The following DCC variants were observed in gnomAD, a reference collection of about 807,000 sequenced individuals.
DCC encodes netrin receptor DCC.
In DCC, 58 loss-of-function variants were observed where a neutral mutation model predicts 172.5. The observed-to-expected ratio is 0.34, with a 90% CI of 0.27 to 0.42. DCC has a LOEUF of 0.42. Among genes scored for constraint, DCC ranks in the 10% least tolerant of loss-of-function variants. DCC has a pLI of 1.00. For synonymous variants in DCC, 709 were observed against 644.5 expected, an observed-to-expected ratio of 1.10 and a Z score of -1.52; for missense variants, 1,740 against 1,791.0, an observed-to-expected ratio of 0.97 and a Z score of 0.51.
intron 12 of DCC, among the ~76,000 whole-genome samples, chr18:53,256,020 A>C (rs1380499872): frequency 6.6e-6 from 1 of 152,172 alleles, no homozygotes; most frequent in African/African-American, 2.4e-5. Context: ...TCTTTTGAGA[A>C]GTGTCTGTTC....
intron 12 of DCC, among the ~76,000 whole-genome samples, chr18:53,272,503 A>G (rs746748549): frequency 6.6e-6 from 1 of 152,120 alleles, no homozygotes; most frequent in East Asian, 1.9e-4. Flanking sequence ...TCTGCTAGCT[A>G]TCATTACAAA....
chr18:53,142,072 G>T (rs907303839), intron 7 of DCC, among the ~76,000 whole-genome samples: 4 of 152,182 alleles, frequency 2.6e-5, no homozygotes, highest in Admixed American at 6.5e-5. Context: ...TTCCCACCCT[G>T]CCACCTTTAA....
At chr18:53,382,036 G>A (rs985439738) in intron 15 of DCC, among the ~76,000 whole-genome samples, 6 of 146,514 alleles carry the variant, frequency 4.1e-5, no homozygotes, top group Non-Finnish European at 6.0e-5. Flanking sequence ...AAATCTAGCC[G>A]TTTTTCTTTT....
intron 1 of DCC, among the ~76,000 whole-genome samples, chr18:52,466,277 C>G (rs982402228): frequency 2.6e-5 from 4 of 152,100 alleles, no homozygotes; most frequent in African/African-American, 9.7e-5. Flanking sequence ...AAAATATGTC[C>G]ATGGTGGGTC....
chr18:52,808,373 TCTGA>T (rs1433454097), intron 2 of DCC, among the ~76,000 whole-genome samples: 6 of 150,450 alleles, frequency 4.0e-5, no homozygotes, highest in Non-Finnish European at 5.9e-5. Context: ...AGCCTGTAAT[TCTGA>T]CTAAGTGACT....
At chr18:53,359,348 T>A (rs1467622736) in intron 15 of DCC, among the ~76,000 whole-genome samples, 1 of 152,172 alleles carries the variant, frequency 6.6e-6, no homozygotes, top group Non-Finnish European at 1.5e-5. Context: ...ATTAAGCTAG[T>A]TAGACTTACC....
chr18:52,446,328 T>C (rs1469938528), intron 1 of DCC, among the ~76,000 whole-genome samples: 3 of 152,188 alleles, frequency 2.0e-5, no homozygotes, highest in Non-Finnish European at 4.4e-5. Flanking sequence ...TTTAGGATGT[T>C]TGAAATTCTG....
intron 8 of DCC, among the ~76,000 whole-genome samples, chr18:53,170,492 G>A (rs967595491): frequency 1.3e-5 from 2 of 152,312 alleles, no homozygotes; most frequent in Admixed American, 6.5e-5. Context: ...TTTTTTCTAT[G>A]TGATTATATC....
At position 53,240,051 on chromosome 18, in the gene DCC, CA is replaced by C. The variant is rs1247730660; in HGVS notation, c.1911+24456del. On this transcript the variant is annotated intron_variant, in intron 12 of 28. Transcript: ENST00000442544. ...TAAAAAAAAAAAAAAAAAAAAAAAA[CA>C]ACAAAACACTTTTTCCCCAATGTGT... Among the ~76,000 whole-genome samples, 4 of 108,908 alleles carry C rather than the reference CA, an allele frequency of 3.7e-5. No individual in the cohort carries two copies. The South Asian group carries it at 7.3e-4, about 20-fold the overall frequency. The allele number at this position is 108,908 out of a possible 152,430, so 71.4% of individuals were successfully genotyped here.
At position 53,486,894 on chromosome 18, in the gene DCC, T is replaced by C. The variant is rs1432799683; in HGVS notation, c.3834T>C (p.Thr1278=). ...GTGGATATCCCCACCCGCAGTTCACTCTCCGGCCTGTGCCATTCCCAACAC... is the reference window on the plus strand; with the variant it reads ...GTGGATATCCCCACCCGCAGTTCACCCTCCGGCCTGTGCCATTCCCAACAC... The part of the protein sequence containing the change: ...PTCGYPHPQF[T]LRPVPFPTLS... Residue 1278 remains threonine (T), a synonymous_variant, in exon 26 of 29, where the codon ACT becomes ACC. Coordinates refer to ENST00000442544, the MANE Select transcript of DCC (RefSeq NM_005215.4). 3.7e-6 allele frequency: 6 copies of C among 1,614,174 alleles called. No homozygotes were observed. Among genetic ancestry groups the C allele is most frequent in the Non-Finnish European group, 5.1e-6 (6 of 1,180,038 alleles).
intron 16 of DCC, among the ~76,000 whole-genome samples, chr18:53,391,420 G>A (rs13381929): frequency 0.42 from 64,445 of 151,964 alleles, 15,456 homozygotes; most frequent in Non-Finnish European, 0.55. Flanking sequence ...ACCACTCTAA[G>A]AGAATGAGTA....
At chr18:53,251,730 T>C (rs1332112080) in intron 12 of DCC, among the ~76,000 whole-genome samples, 1 of 151,894 alleles carries the variant, frequency 6.6e-6, no homozygotes, top group Non-Finnish European at 1.5e-5. Context: ...TGGCCAATAA[T>C]AAGAAGAATA....
chr18:52,599,805 C>T (rs539199325), intron 1 of DCC, among the ~76,000 whole-genome samples: 9 of 152,168 alleles, frequency 5.9e-5, no homozygotes, highest in South Asian at 2.1e-4. Flanking sequence ...TGAGCCACCG[C>T]GCCCGGCCTG....
At chr18:53,393,295 A>G (rs775574454) in intron 17 of DCC, among the ~76,000 whole-genome samples, 2 of 152,194 alleles carry the variant, frequency 1.3e-5, no homozygotes, top group Non-Finnish European at 2.9e-5. Context: ...ACATTTCATC[A>G]TAAATCAGAT....
intron 1 of DCC, among the ~76,000 whole-genome samples, chr18:52,699,903 C>A (rs539576909): frequency 6.6e-6 from 1 of 152,088 alleles, no homozygotes; most frequent in Non-Finnish European, 1.5e-5. Context: ...GTACAATGGT[C>A]TTTAGTATAT....
chr18:52,671,814 G>T (rs556156823), intron 1 of DCC, among the ~76,000 whole-genome samples: 2 of 152,088 alleles, frequency 1.3e-5, no homozygotes, highest in South Asian at 2.1e-4. Flanking sequence ...AGGATTACAG[G>T]CATGAGTCAC....
intron 1 of DCC, among the ~76,000 whole-genome samples, chr18:52,395,952 T>C (rs1986209474): frequency 6.6e-6 from 1 of 151,964 alleles, no homozygotes; most frequent in South Asian, 2.1e-4. Flanking sequence ...CAGATTCACA[T>C]AAGTCAGGAT....
intron 1 of DCC, among the ~76,000 whole-genome samples, chr18:52,724,011 G>A (rs1185951048): frequency 6.6e-6 from 1 of 152,164 alleles, no homozygotes; most frequent in Non-Finnish European, 1.5e-5. Flanking sequence ...AGGTACAGAT[G>A]AGTATCCTGA....
chr18:53,180,575 C>T (rs978500616), intron 9 of DCC, among the ~76,000 whole-genome samples: 2 of 152,210 alleles, frequency 1.3e-5, no homozygotes, highest in Non-Finnish European at 2.9e-5. Flanking sequence ...GGTTTCTGTT[C>T]TGGGCAATGT....
Sources: allele counts gnomAD v4.1 joint callset (sites outside exome capture counted in the v4.1 genomes callset), GRCh38; gene constraint gnomAD v4.1.1; transcripts MANE v1.5; gene names NCBI Gene and HGNC (gene_info 2026-07-23, HGNC 2026-07-21).